The following ZNF483 variants were observed in gnomAD, a reference collection of about 807,000 sequenced individuals.
The protein encoded by ZNF483 is zinc finger protein 483, also known as zinc finger protein HIT-10.
A neutral mutation model predicts 28.6 loss-of-function variants in ZNF483; 9 were observed. The observed-to-expected ratio is 0.32, with a 90% CI of 0.19 to 0.55. ZNF483 has a LOEUF of 0.55. Among genes scored for constraint, ZNF483 ranks in the 20% least tolerant of loss-of-function variants. ZNF483 has a pLI of 0.93. For missense variants in ZNF483, 675 were observed against 871.7 expected (o/e 0.77, Z 2.84); for synonymous variants, 322 against 306.2 (o/e 1.05, Z -0.54).
At chr9:111,569,845 T>C (rs1378693275) in intron 5 of ZNF483, 1 of 528,744 alleles carries the variant, frequency 1.9e-6, no homozygotes, top group Admixed American at 3.3e-5. Flanking sequence ...AGGTATTTTG[T>C]TATAAAAGGG....
rs768575310 is a variant in ZNF483 at position 111,552,368 on chromosome 9, C to T, written c.*9198C>T. ...ACTGAAGAATTATAACACATGTATC[C>T]GTGACTCGTTTCTTGGAGTCTGCTT... is the stretch of plus-strand genomic sequence containing the variant. On this transcript the variant is annotated 3_prime_UTR_variant, in exon 6 of 6. Coordinates refer to ENST00000309235, the MANE Select transcript of ZNF483 (RefSeq NM_133464.5). 4.6e-5 allele frequency among the ~76,000 whole-genome samples: 7 copies of T among 151,948 alleles called. No homozygotes were observed. The East Asian group carries it at 5.8e-4, about 13-fold the overall frequency.
chr9:111,569,658 G>A (rs571772286), intron 5 of ZNF483, among the ~76,000 whole-genome samples: 5 of 152,258 alleles, frequency 3.3e-5, no homozygotes, highest in Non-Finnish European at 4.4e-5. Flanking sequence ...CTAGCTACTC[G>A]GGAGGCTGAG....
downstream of ZNF483, among the ~76,000 whole-genome samples, chr9:111,555,732 T>C (rs915946296): frequency 5.3e-5 from 8 of 152,212 alleles, no homozygotes; most frequent in South Asian, 2.1e-4. Flanking sequence ...CTCACTATCA[T>C]GAGAACAACA....
intron 5 of ZNF483, chr9:111,564,283 ATT>A (rs1828452809): frequency 2.6e-6 from 1 of 384,388 alleles, no homozygotes; most frequent in Non-Finnish European, 3.4e-6. Flanking sequence ...AACTTTTATT[ATT>A]ATTATTATTA....
rs943868637 is a variant in ZNF483, at chr9:111,563,361, C to T, written c.722-13004C>T. ...GAAAATAAGAGATGGAAGTCCTGTC[C>T]TCCATGAACTTGAAGTCAAGGTGGG... On this transcript the variant is annotated intron_variant, in intron 5 of 5. Transcript: ENST00000358151. The T allele has an allele frequency of 9.9e-6, 9 of 913,550 alleles. No individual in the cohort carries two copies. The African/African-American group carries it at 1.3e-4, about 14-fold the overall frequency. The allele number at this position is 913,550 out of a possible 1,614,324, so 56.6% of individuals were successfully genotyped here.
At chr9:111,540,197 A>G (rs1365494984) in intron 5 of ZNF483, among the ~76,000 whole-genome samples, 1 of 152,176 alleles carries the variant, frequency 6.6e-6, no homozygotes, top group Non-Finnish European at 1.5e-5. Context: ...ATCATAAAAG[A>G]GTAACAATAC....
At chr9:111,532,107 G>A (rs1311959011) in intron 3 of ZNF483, among the ~76,000 whole-genome samples, 1 of 152,156 alleles carries the variant, frequency 6.6e-6, no homozygotes. Flanking sequence ...CTGGGAGTTC[G>A]AGAGCAGTCT....
rs1270273088 is a variant in ZNF483, at chr9:111,550,117, G to GC, written c.*6948dup. ...TTTTACTGTCATAGGCTGTCTCTGTGCTAGGGATCAGCCTGTGTTGAATGC... is the reference window on the plus strand; with the variant it reads ...TTTTACTGTCATAGGCTGTCTCTGTGCCTAGGGATCAGCCTGTGTTGAATGC... On this transcript the variant is annotated 3_prime_UTR_variant, in exon 6 of 6. Coordinates refer to ENST00000309235, the MANE Select transcript of ZNF483 (RefSeq NM_133464.5). 1.3e-5 allele frequency among the ~76,000 whole-genome samples: 2 copies of GC among 152,110 alleles called. No homozygotes were observed. The highest frequency in any genetic ancestry group is 4.8e-5 in the African/African-American group (2 of 41,400).
exon 6 of ZNF483, chr9:111,577,434 A>C (rs1409496805): frequency 6.6e-6 from 1 of 152,208 alleles, no homozygotes; most frequent in Non-Finnish European, 1.5e-5. Context: ...TGAAATTATC[A>C]TATGACCCAG....
chr9:111,574,359 T>C (rs112733121), intron 5 of ZNF483: 10,053 of 153,586 alleles, frequency 0.065, 566 homozygotes, highest in African/African-American at 0.14. Context: ...TTTTTGTTAT[T>C]ATTATTTTGA....
At chr9:111,535,900 CTT>C (rs571414598) in intron 5 of ZNF483, among the ~76,000 whole-genome samples, 13 of 132,134 alleles carry the variant, frequency 9.8e-5, no homozygotes, top group Admixed American at 2.3e-4. Flanking sequence ...TATTATTATT[CTT>C]TTTTTTTTTT....
In ZNF483 at chr9:111,553,964, C is replaced by A. The variant is rs923316655; in HGVS notation, c.*10794C>A. On this transcript the variant is annotated 3_prime_UTR_variant, in exon 6 of 6. Transcript: ENST00000309235. The stretch of plus-strand genomic sequence containing the variant: ...CATGCTGTGTGGAGCACATAACTTC[C>A]AACGTCCCAGAGGCAGGGAAAGGAA... Among the ~76,000 whole-genome samples the A allele has an allele frequency of 6.6e-6, 1 of 152,154 alleles. No individual in the cohort carries two copies. Among genetic ancestry groups the A allele is most frequent in the Non-Finnish European group, 1.5e-5 (1 of 68,036 alleles).
chr9:111,567,648 C>G (rs192556474), intron 5 of ZNF483, among the ~76,000 whole-genome samples: 1 of 152,270 alleles, frequency 6.6e-6, no homozygotes, highest in Admixed American at 6.5e-5. Flanking sequence ...TGAATATTAG[C>G]ACTTTGGTTT....
intron 5 of ZNF483, among the ~76,000 whole-genome samples, chr9:111,569,744 AAC>A (rs1414027861): frequency 2.6e-5 from 4 of 152,148 alleles, no homozygotes; most frequent in African/African-American, 9.7e-5. Context: ...CAGCCTGAGC[AAC>A]AGAGTGAGAC....
At chr9:111,536,834 T>G (rs1267753200) in intron 5 of ZNF483, among the ~76,000 whole-genome samples, 1 of 152,140 alleles carries the variant, frequency 6.6e-6, no homozygotes, top group Non-Finnish European at 1.5e-5. Flanking sequence ...ATGTTATGTG[T>G]TTTTTATACT....
chr9:111,529,280 A>G (rs185836855), intron 2 of ZNF483, among the ~76,000 whole-genome samples: 2 of 152,308 alleles, frequency 1.3e-5, no homozygotes, highest in Non-Finnish European at 2.9e-5. Context: ...AATTCTTTTC[A>G]TAAGAAGGTA....
At chr9:111,563,297 C>T (rs1828394366) in intron 5 of ZNF483, 1 of 1,426,674 alleles carries the variant, frequency 7.0e-7, no homozygotes, top group African/African-American at 1.4e-5. Flanking sequence ...CTGTTCTCAT[C>T]CTAGCAACAA....
intron 5 of ZNF483, among the ~76,000 whole-genome samples, chr9:111,537,355 G>C (rs1213230319): frequency 1.3e-5 from 2 of 151,980 alleles, no homozygotes; most frequent in Admixed American, 1.3e-4. Context: ...CCAAGTAGCT[G>C]TGATTACAGG....
At position 111,536,187 on chromosome 9, in the gene ZNF483, G is replaced by A. The variant is rs561065402; in HGVS notation, c.721+1834G>A. On this transcript the variant is annotated intron_variant, in intron 5 of 5. Coordinates refer to ENST00000309235, the MANE Select transcript of ZNF483 (RefSeq NM_133464.5). Reference sequence around the variant, plus strand: ...ATTACAGGCATGAGCCACTGTGCCCGGCCACAATTTATATATATATATTAA... The same window carrying A: ...ATTACAGGCATGAGCCACTGTGCCCAGCCACAATTTATATATATATATTAA... Among the ~76,000 whole-genome samples, 9 of 151,024 alleles carry A rather than the reference G, an allele frequency of 6.0e-5. No homozygotes were observed. In the East Asian group the frequency reaches 9.7e-4, roughly 16 times the overall value.
Sources: allele counts gnomAD v4.1 joint callset (sites outside exome capture counted in the v4.1 genomes callset), GRCh38; gene constraint gnomAD v4.1.1; transcripts MANE v1.5; gene names NCBI Gene and HGNC (gene_info 2026-07-23, HGNC 2026-07-21).